THSD7B: variants seen among roughly 807,000 people sequenced by gnomAD.
THSD7B encodes the protein thrombospondin type 1 domain containing 7B, also known as thrombospondin type-1 domain-containing protein 7B.
A neutral mutation model predicts 213.6 loss-of-function variants in THSD7B; 138 were observed. The ratio of observed to expected loss-of-function variants is 0.65; its 90% CI spans 0.56 to 0.74. The LOEUF is 0.74. Among genes scored for constraint, THSD7B ranks in the 30% least tolerant of loss-of-function variants. THSD7B has a pLI of 0.00. For missense variants in THSD7B, 1,931 were observed against 1,991.5 expected (o/e 0.97, Z 0.58); for synonymous variants, 742 against 687.0 (o/e 1.08, Z -1.25).
At chr2:136,778,883 G>C (rs889729899) in intron 1 of THSD7B, among the ~76,000 whole-genome samples, 2 of 152,098 alleles carry the variant, frequency 1.3e-5, no homozygotes, top group African/African-American at 4.8e-5. Flanking sequence ...CAGCTCTAAG[G>C]TAAGGGAGGA....
chr2:137,133,042 C>G (rs534908574), intron 5 of THSD7B, among the ~76,000 whole-genome samples: 8 of 152,168 alleles, frequency 5.3e-5, no homozygotes, highest in Non-Finnish European at 1.2e-4. Context: ...TTAATGAACT[C>G]TAATCATCTT....
chr2:137,030,847 C>T (rs375201870), intron 2 of THSD7B, among the ~76,000 whole-genome samples: 19 of 151,930 alleles, frequency 1.3e-4, no homozygotes, highest in Admixed American at 2.0e-4. Context: ...GTGATGGGTG[C>T]GGTAAAATCC....
chr2:137,411,994 A>T, intron 14 of THSD7B, 122 bp downstream of exon 14: 1 of 1,142,034 alleles, frequency 8.8e-7, no homozygotes, highest in Non-Finnish European at 1.2e-6. Flanking sequence ...TTTGTCAATA[A>T]CACATTGTCT....
intron 21 of THSD7B, among the ~76,000 whole-genome samples, chr2:137,651,370 A>G (rs1683133809): frequency 6.6e-6 from 1 of 152,056 alleles, no homozygotes; most frequent in Non-Finnish European, 1.5e-5. Context: ...TTGGTTGCTC[A>G]TAATATACTG....
chr2:137,040,389 T>TCTTC (rs1350678209), intron 2 of THSD7B, among the ~76,000 whole-genome samples: 6 of 123,882 alleles, frequency 4.8e-5, no homozygotes, highest in Non-Finnish European at 8.8e-5. Context: ...CCTCTTTCTT[T>TCTTC]CTTCCTCTTC....
intron 1 of THSD7B, among the ~76,000 whole-genome samples, chr2:136,844,426 C>T (rs76761027): frequency 8.7e-5 from 13 of 148,728 alleles, no homozygotes; most frequent in African/African-American, 3.2e-4. Context: ...GATTTTTCAG[C>T]AAAAGCTGGC....
intron 7 of THSD7B, among the ~76,000 whole-genome samples, chr2:137,209,865 T>C (rs2375449): frequency 0.6 from 90,730 of 151,752 alleles, 27,506 homozygotes; most frequent in South Asian, 0.71. Flanking sequence ...AACCATGTGG[T>C]GATGGGGCCT....
chr2:137,176,676 A>C (rs1006775893), intron 7 of THSD7B, among the ~76,000 whole-genome samples: 3 of 152,148 alleles, frequency 2.0e-5, no homozygotes, highest in Non-Finnish European at 4.4e-5. Context: ...CTCTTTGCCT[A>C]AGAATTGTCT....
intron 12 of THSD7B, among the ~76,000 whole-genome samples, chr2:137,300,306 A>C (rs1573943703): frequency 6.6e-6 from 1 of 152,310 alleles, no homozygotes; most frequent in East Asian, 1.9e-4. Context: ...GCTGTAATGA[A>C]GAACTGAGCC....
intron 4 of THSD7B, among the ~76,000 whole-genome samples, chr2:137,102,607 G>T (rs956166868): frequency 6.6e-6 from 1 of 152,168 alleles, no homozygotes; most frequent in Admixed American, 6.5e-5. Context: ...AAAGGAGCAT[G>T]TTCTAACCCA....
At chr2:137,018,291 A>C (rs13409543) in intron 2 of THSD7B, among the ~76,000 whole-genome samples, 14,641 of 152,156 alleles carry the variant, frequency 0.096, 844 homozygotes, top group East Asian at 0.15. Context: ...ATATTTATTT[A>C]TTATTGTGTT....
At chr2:137,004,476 T>A (rs1686066523) in intron 2 of THSD7B, among the ~76,000 whole-genome samples, 1 of 152,202 alleles carries the variant, frequency 6.6e-6, no homozygotes, top group Non-Finnish European at 1.5e-5. Flanking sequence ...AGTCTTTCAA[T>A]ATGCCTCCTA....
chr2:137,108,180 T>C (rs1337381044), intron 4 of THSD7B, among the ~76,000 whole-genome samples: 4 of 152,204 alleles, frequency 2.6e-5, no homozygotes, highest in Non-Finnish European at 5.9e-5. Flanking sequence ...CATCATTAAA[T>C]CACTTAAAAT....
intron 14 of THSD7B, among the ~76,000 whole-genome samples, chr2:137,416,262 G>T (rs1430979630): frequency 6.6e-6 from 1 of 152,116 alleles, no homozygotes; most frequent in Non-Finnish European, 1.5e-5. Context: ...CAAGCCATGG[G>T]CCTGCTTGCA....
chr2:136,850,803 T>C (rs1317973866), intron 1 of THSD7B, among the ~76,000 whole-genome samples: 1 of 152,028 alleles, frequency 6.6e-6, no homozygotes, highest in Non-Finnish European at 1.5e-5. Context: ...ATTGCTTATG[T>C]CCTACATTTT....
At chr2:137,603,371 A>G (rs1297539732) in intron 17 of THSD7B, among the ~76,000 whole-genome samples, 1 of 152,156 alleles carries the variant, frequency 6.6e-6, no homozygotes, top group Non-Finnish European at 1.5e-5. Flanking sequence ...CACTTCTTCC[A>G]ATGAGTCCTG....
chr2:137,151,044 T>G (rs1011004613), intron 5 of THSD7B, among the ~76,000 whole-genome samples: 7 of 152,184 alleles, frequency 4.6e-5, no homozygotes, highest in African/African-American at 1.7e-4. Flanking sequence ...TGAGTGAGTA[T>G]GAAGGCCTAG....
intron 7 of THSD7B, among the ~76,000 whole-genome samples, chr2:137,196,962 A>C (rs2105020203): frequency 6.6e-6 from 1 of 152,306 alleles, no homozygotes; most frequent in South Asian, 2.1e-4. Flanking sequence ...ATGCCCTAAG[A>C]GCTCAGCATC....
At chr2:137,069,867 A>G (rs868167588) in intron 3 of THSD7B, among the ~76,000 whole-genome samples, 1 of 150,504 alleles carries the variant, frequency 6.6e-6, no homozygotes, top group Non-Finnish European at 1.5e-5. Context: ...ATAACTATAC[A>G]TATAAAACAT....
Sources: allele counts gnomAD v4.1 joint callset (sites outside exome capture counted in the v4.1 genomes callset), GRCh38; gene constraint gnomAD v4.1.1; transcripts MANE v1.5; gene names NCBI Gene and HGNC (gene_info 2026-07-23, HGNC 2026-07-21).